ZFHX3: variants seen among roughly 807,000 people sequenced by gnomAD.
ZFHX3 encodes zinc finger homeobox 3, also known as zinc finger homeobox protein 3.
A neutral mutation model predicts 279.1 loss-of-function variants in ZFHX3; 42 were observed. The ratio of observed to expected loss-of-function variants is 0.15; its 90% CI spans 0.12 to 0.19. The LOEUF is 0.19. Ranked by LOEUF, ZFHX3 falls within the 10% of genes least tolerant of loss-of-function variation. The pLI is 1.00. For synonymous variants in ZFHX3, 2,293 were observed against 1,957.8 expected (o/e 1.17, Z -4.52); for missense variants, 4,981 against 4,754.0 (o/e 1.05, Z -1.40).
At chr16:73,673,743 C>A (rs2052926466) in intron 2 of ZFHX3, among the ~76,000 whole-genome samples, 1 of 152,134 alleles carries the variant, frequency 6.6e-6, no homozygotes, top group Non-Finnish European at 1.5e-5. Context: ...TGGGGCAGAA[C>A]AGGGATAACA....
chr16:73,813,333 T>A (rs115700860), intron 1 of ZFHX3, among the ~76,000 whole-genome samples: 2,238 of 151,996 alleles, frequency 0.015, 53 homozygotes, highest in African/African-American at 0.051. Flanking sequence ...AATTGCAATG[T>A]CTGAACAGCA....
Position 73,349,426 on chromosome 16 carries a change from G to A in ZFHX3, c.-1290-31090C>T, listed in dbSNP as rs538485647. The stretch of plus-strand genomic sequence containing the variant: ...CCCATACAGTGTTTAGTGTGCTCTC[G>A]TAGGAGGTGTTAGTAGCAGTTGTGT... On this transcript the variant is annotated intron_variant, in intron 3 of 17. Coordinates refer to the ZFHX3 transcript ENST00000641206. Among the ~76,000 whole-genome samples, 13 of 152,308 alleles carry A rather than the reference G, an allele frequency of 8.5e-5. No homozygotes were observed. The South Asian group carries it at 1.0e-3, about 12-fold the overall frequency.
At chr16:73,862,767 AC>A (rs1487131065) in intron 1 of ZFHX3, among the ~76,000 whole-genome samples, 3 of 152,086 alleles carry the variant, frequency 2.0e-5, no homozygotes, top group African/African-American at 7.2e-5. Flanking sequence ...ACAGAGTGAG[AC>A]CCTGTACAAT....
chr16:73,646,127 T>C (rs1324445418), intron 2 of ZFHX3, among the ~76,000 whole-genome samples: 1 of 152,208 alleles, frequency 6.6e-6, no homozygotes, highest in Admixed American at 6.6e-5. Flanking sequence ...ATAAGTGAAC[T>C]GGTGAACAAA....
intron 1 of ZFHX3, among the ~76,000 whole-genome samples, chr16:73,810,741 C>T (rs1960404747): frequency 1.3e-5 from 2 of 152,204 alleles, no homozygotes; most frequent in African/African-American, 2.4e-5. Flanking sequence ...AATCTTAGAA[C>T]TGAATTCAAG....
At chr16:73,843,576 G>C (rs757725926) in intron 1 of ZFHX3, among the ~76,000 whole-genome samples, 2 of 152,214 alleles carry the variant, frequency 1.3e-5, no homozygotes, top group Non-Finnish European at 1.5e-5. Context: ...TATGTTAAAT[G>C]CATCAGACAA....
At chr16:73,365,780 A>G (rs904209204) in intron 3 of ZFHX3, among the ~76,000 whole-genome samples, 5 of 152,166 alleles carry the variant, frequency 3.3e-5, no homozygotes, top group Non-Finnish European at 7.3e-5. Flanking sequence ...CTGATCCTGG[A>G]GCCACCTTCT....
chr16:73,527,178 G>GT (rs1390792739), intron 2 of ZFHX3, among the ~76,000 whole-genome samples: 1 of 152,090 alleles, frequency 6.6e-6, no homozygotes, highest in Non-Finnish European at 1.5e-5. Flanking sequence ...ATACTATATA[G>GT]TTTTTTTGAT....
chr16:72,920,480 G>C (rs1468072268), intron 3 of ZFHX3, among the ~76,000 whole-genome samples: 1 of 151,142 alleles, frequency 6.6e-6, no homozygotes, highest in African/African-American at 2.4e-5. Flanking sequence ...AGAAGTTCGA[G>C]ACCAGCCTGG....
intron 5 of ZFHX3, among the ~76,000 whole-genome samples, chr16:73,160,055 G>T (rs144398601): frequency 1.3e-5 from 2 of 152,152 alleles, no homozygotes; most frequent in African/African-American, 4.8e-5. Flanking sequence ...GAGCCTCCAC[G>T]CCCGGCCTAA....
At chr16:73,255,052 C>G (rs968648572) in intron 5 of ZFHX3, among the ~76,000 whole-genome samples, 2 of 152,198 alleles carry the variant, frequency 1.3e-5, no homozygotes. Flanking sequence ...AGCTATTGTA[C>G]TTCTGTTTGG....
At chr16:73,518,488 C>G (rs1451138688) in intron 2 of ZFHX3, among the ~76,000 whole-genome samples, 1 of 152,108 alleles carries the variant, frequency 6.6e-6, no homozygotes, top group Non-Finnish European at 1.5e-5. Flanking sequence ...CATTAATTTC[C>G]CATTCAGGGG....
chr16:73,597,940 G>A (rs1457618704), intron 2 of ZFHX3, among the ~76,000 whole-genome samples: 1 of 152,162 alleles, frequency 6.6e-6, no homozygotes, highest in Non-Finnish European at 1.5e-5. Flanking sequence ...AAATGTTGAA[G>A]CTGGCATTGC....
chr16:73,163,366 G>A (rs1967285210), intron 5 of ZFHX3, among the ~76,000 whole-genome samples: 1 of 152,186 alleles, frequency 6.6e-6, no homozygotes, highest in Non-Finnish European at 1.5e-5. Flanking sequence ...AACAAAACCA[G>A]GCTGCAGATT....
At chr16:73,850,632 T>C (rs1961570967) in intron 1 of ZFHX3, among the ~76,000 whole-genome samples, 1 of 152,198 alleles carries the variant, frequency 6.6e-6, no homozygotes, top group Non-Finnish European at 1.5e-5. Context: ...ATAAATTGCC[T>C]GTCCTCTGTC....
chr16:72,922,428 T>C (rs1468646445), intron 3 of ZFHX3, among the ~76,000 whole-genome samples: 1 of 152,158 alleles, frequency 6.6e-6, no homozygotes, highest in Non-Finnish European at 1.5e-5. Context: ...TCTCATCCTA[T>C]TCCACCCATT....
intron 4 of ZFHX3, among the ~76,000 whole-genome samples, chr16:72,872,205 A>G (rs2038179075): frequency 1.3e-5 from 2 of 152,208 alleles, no homozygotes; most frequent in Non-Finnish European, 2.9e-5. Flanking sequence ...TTGCAATTAT[A>G]TATATTATGC....
chr16:73,539,703 G>T (rs572167775), intron 2 of ZFHX3, among the ~76,000 whole-genome samples: 255 of 152,174 alleles, frequency 1.7e-3, no homozygotes, highest in African/African-American at 5.6e-3. Context: ...AAGAGAGACG[G>T]CTCTTCCACC....
chr16:72,899,407 T>C (rs567868843), intron 3 of ZFHX3, among the ~76,000 whole-genome samples: 1 of 152,302 alleles, frequency 6.6e-6, no homozygotes, highest in East Asian at 1.9e-4. Flanking sequence ...AGGACATGTT[T>C]GCTCCCCTTT....
Sources: gnomAD v4.1 joint callset for allele counts (sites outside exome capture counted in the v4.1 genomes callset) on GRCh38, gnomAD v4.1.1 for gene constraint, MANE v1.5 for transcripts, NCBI Gene and HGNC (gene_info 2026-07-23, HGNC 2026-07-21) for gene names.